The following CHCHD3 variants were observed in gnomAD, a reference collection of about 807,000 sequenced individuals.
CHCHD3 encodes MICOS complex subunit MIC19.
Under a neutral mutation model 38.2 loss-of-function variants are expected in CHCHD3, and 20 were observed. That is an observed-to-expected ratio of 0.52 (90% CI 0.37 to 0.76). The LOEUF (loss-of-function observed/expected upper bound fraction) is 0.76, where lower values mean the gene tolerates loss of function less well. Ranked by LOEUF, CHCHD3 falls within the 30% of genes least tolerant of loss-of-function variation. The pLI is 0.00. For missense variants in CHCHD3, 245 were observed against 279.2 expected (o/e 0.88, Z 0.87); for synonymous variants, 82 against 100.0 (o/e 0.82, Z 1.07).
At chr7:133,078,891 A>G (rs1188045436) in intron 1 of CHCHD3, among the ~76,000 whole-genome samples, 3 of 152,260 alleles carry the variant, frequency 2.0e-5, no homozygotes, top group Non-Finnish European at 4.4e-5. Flanking sequence ...ACCTAACTGC[A>G]GTTCAAAACT....
intron 2 of CHCHD3, chr7:133,034,508 CTTTTTTTTTTT>C (rs146912120): frequency 1.1e-5 from 3 of 283,226 alleles, no homozygotes; most frequent in Middle Eastern, 1.0e-3. Context: ...TGGATCCAGT[CTTTTTTTTTTT>C]TTTTTTTTTT....
chr7:133,044,852 C>A (rs757711668), intron 2 of CHCHD3, among the ~76,000 whole-genome samples: 5 of 152,220 alleles, frequency 3.3e-5, no homozygotes, highest in Non-Finnish European at 7.3e-5. Context: ...CAGCTCTCCT[C>A]CCCAGGCGGG....
At chr7:132,909,927 G>C (rs530179215) in intron 4 of CHCHD3, among the ~76,000 whole-genome samples, 1 of 152,280 alleles carries the variant, frequency 6.6e-6, no homozygotes, top group East Asian at 1.9e-4. Context: ...TTAGAGGCTG[G>C]AGTAAGAATG....
At chr7:132,972,852 A>C in intron 4 of CHCHD3, 1 of 985,454 alleles carries the variant, frequency 1.0e-6, no homozygotes, top group Non-Finnish European at 1.2e-6. Flanking sequence ...TAAATAAGAG[A>C]TCTACAAATC....
At chr7:132,861,889 C>T (rs986393436) in intron 5 of CHCHD3, among the ~76,000 whole-genome samples, 3 of 152,120 alleles carry the variant, frequency 2.0e-5, no homozygotes, top group African/African-American at 7.2e-5. Context: ...TTTTAAGCCT[C>T]AGGTGTCAAG....
At chr7:133,007,112 GA>G (rs1299766183) in intron 3 of CHCHD3, among the ~76,000 whole-genome samples, 6 of 152,152 alleles carry the variant, frequency 3.9e-5, no homozygotes, top group East Asian at 3.9e-4. Context: ...TTTGTAACTA[GA>G]AAAAAATACT....
intron 4 of CHCHD3, among the ~76,000 whole-genome samples, chr7:132,966,508 AT>A (rs1005428959): frequency 2.6e-5 from 4 of 152,216 alleles, no homozygotes; most frequent in African/African-American, 9.6e-5. Flanking sequence ...ACTGTGAAAA[AT>A]TTAACATCCA....
chr7:132,923,120 C>A lies in CHCHD3; in HGVS notation c.370-37375G>T, dbSNP rs79503474. Among the ~76,000 whole-genome samples, 773 of 152,262 alleles carry A rather than the reference C, an allele frequency of 5.1e-3. 13 individuals carry two copies. The highest frequency in any genetic ancestry group is 0.048 in the East Asian group (248 of 5,178). On this transcript the variant is annotated intron_variant, in intron 4 of 7. Coordinates refer to ENST00000262570, the MANE Select transcript of CHCHD3 (RefSeq NM_017812.4). ...AAGCATACACCTTTCAAATATATGT[C>A]ACAACAGATATTGTCCCAACAATGT...
At chr7:132,930,741 T>G (rs557665800) in intron 4 of CHCHD3, among the ~76,000 whole-genome samples, 13 of 152,124 alleles carry the variant, frequency 8.5e-5, no homozygotes, top group Non-Finnish European at 1.8e-4. Context: ...ATTAAGTTAC[T>G]CAACATCCTA....
intron 3 of CHCHD3, among the ~76,000 whole-genome samples, chr7:133,015,761 T>C (rs769338339): frequency 6.6e-6 from 1 of 152,204 alleles, no homozygotes; most frequent in South Asian, 2.1e-4. Flanking sequence ...TGTTCTTGCA[T>C]CACTATAAAG....
At chr7:132,898,117 G>A (rs181280434) in intron 4 of CHCHD3, among the ~76,000 whole-genome samples, 16 of 152,126 alleles carry the variant, frequency 1.1e-4, no homozygotes, top group Non-Finnish European at 1.6e-4. Context: ...AGACCTTCGC[G>A]GTGAGTGTTA....
chr7:132,805,193 G>A (rs1806884403), intron 6 of CHCHD3, among the ~76,000 whole-genome samples: 1 of 152,186 alleles, frequency 6.6e-6, no homozygotes, highest in Non-Finnish European at 1.5e-5. Flanking sequence ...ATTTACTGGG[G>A]GAGAAACATA....
At chr7:132,944,918 G>A (rs866372041) in intron 4 of CHCHD3, among the ~76,000 whole-genome samples, 4 of 151,736 alleles carry the variant, frequency 2.6e-5, no homozygotes, top group South Asian at 2.1e-4. Flanking sequence ...CTTTGTTCTC[G>A]TTACTTATGA....
intron 3 of CHCHD3, among the ~76,000 whole-genome samples, chr7:133,015,711 C>T (rs1813009909): frequency 6.6e-6 from 1 of 152,150 alleles, no homozygotes; most frequent in Non-Finnish European, 1.5e-5. Context: ...AATCCGAGCC[C>T]CACCACTTAC....
At chr7:132,809,029 A>G (rs1248901843) in intron 6 of CHCHD3, among the ~76,000 whole-genome samples, 1 of 152,000 alleles carries the variant, frequency 6.6e-6, no homozygotes, top group Non-Finnish European at 1.5e-5. Flanking sequence ...AGTTCACTGT[A>G]GCTTTGACCT....
At chr7:132,978,658 C>T (rs1811836371) in intron 3 of CHCHD3, among the ~76,000 whole-genome samples, 1 of 152,090 alleles carries the variant, frequency 6.6e-6, no homozygotes, top group Non-Finnish European at 1.5e-5. Flanking sequence ...CTGTATCCTC[C>T]AAGGGCTTAG....
At chr7:132,932,260 T>C (rs903776778) in intron 4 of CHCHD3, among the ~76,000 whole-genome samples, 1 of 152,042 alleles carries the variant, frequency 6.6e-6, no homozygotes, top group African/African-American at 2.4e-5. Flanking sequence ...TTTTGCCAAT[T>C]AGAGCACATC....
intron 3 of CHCHD3, among the ~76,000 whole-genome samples, chr7:132,976,404 T>C (rs1014884025): frequency 6.6e-6 from 1 of 152,180 alleles, no homozygotes; most frequent in Non-Finnish European, 1.5e-5. Context: ...TTAGATCATA[T>C]TAAGTTACAA....
intron 3 of CHCHD3, among the ~76,000 whole-genome samples, chr7:132,997,293 A>T (rs1361446470): frequency 6.6e-6 from 1 of 152,220 alleles, no homozygotes; most frequent in African/African-American, 2.4e-5. Flanking sequence ...TCTGTCCTCC[A>T]TTCCAAAAAA....
Sources: allele counts gnomAD v4.1 joint callset (sites outside exome capture counted in the v4.1 genomes callset), GRCh38; gene constraint gnomAD v4.1.1; transcripts MANE v1.5; gene names NCBI Gene and HGNC (gene_info 2026-07-23, HGNC 2026-07-21).